Variants in HS3ST4 observed in about 807,000 individuals in gnomAD.
The protein encoded by HS3ST4 is heparan sulfate-glucosamine 3-sulfotransferase 4, also known as heparan sulfate glucosamine 3-O-sulfotransferase 4.
Under a neutral mutation model 29.2 loss-of-function variants are expected in HS3ST4, and 17 were observed. The ratio of observed to expected loss-of-function variants is 0.58; its 90% CI spans 0.40 to 0.87. The LOEUF (loss-of-function observed/expected upper bound fraction) is 0.87, where lower values mean the gene tolerates loss of function less well. Ranked by LOEUF, HS3ST4 falls within the 40% of genes least tolerant of loss-of-function variation. The probability of loss-of-function intolerance (pLI) is 0.00; values close to 1 mark genes in which losing one functional copy is unlikely to be tolerated. For missense variants in HS3ST4, 627 were observed against 634.5 expected (o/e 0.99, Z 0.13); for synonymous variants, 314 against 285.7 (o/e 1.10, Z -1.00).
At chr16:25,945,743 C>T (rs929651313) in intron 1 of HS3ST4, among the ~76,000 whole-genome samples, 4 of 152,226 alleles carry the variant, frequency 2.6e-5, no homozygotes, top group Admixed American at 2.6e-4. Flanking sequence ...TACTTGCCTA[C>T]TGCCCATTTT....
At position 25,692,440 on chromosome 16, in the gene HS3ST4, C is replaced by A; in HGVS notation, c.23C>A (p.Pro8His). 1 of 1,222,628 alleles carries A rather than the reference C, an allele frequency of 8.2e-7. No individual in the cohort carries two copies. The highest frequency in any genetic ancestry group is 1.0e-6 in the Non-Finnish European group (1 of 967,556). 75.7% of individuals were successfully genotyped at this position (1,222,628 alleles called of 1,614,324 possible). A position where few individuals can be genotyped will look rare whatever the true frequency, so the allele number is the denominator to read the frequency against. MARWPAP[P>H]PPPPPPPPLA... is the part of the protein sequence containing the mutation. ...GCGATGGCCCGGTGGCCCGCACCTC[C>A]TCCGCCTCCGCCTCCGCCTCCACCT... Residue 8 changes from proline (P) to histidine (H), a missense_variant, in exon 1 of 2, where the codon CCT (proline) becomes CAT (histidine). By Grantham distance (77) the Pro-to-His change is moderately conservative. Transcript: ENST00000331351.
chr16:26,058,424 C>T (rs895749358), intron 1 of HS3ST4, among the ~76,000 whole-genome samples: 8 of 152,136 alleles, frequency 5.3e-5, no homozygotes, highest in South Asian at 2.1e-4. Context: ...GGCAGCAACA[C>T]GAGTGAGCTA....
chr16:25,824,535 C>G (rs1967197265), intron 1 of HS3ST4, among the ~76,000 whole-genome samples: 2 of 152,164 alleles, frequency 1.3e-5, no homozygotes, highest in South Asian at 4.1e-4. Context: ...ATAAAATCAT[C>G]AGATCTTATG....
Position 25,971,691 on chromosome 16 carries a change from C to T in HS3ST4, c.735-163921C>T, listed in dbSNP as rs182731781. Reference sequence around the variant, plus strand: ...CTGTAATCCCAGAACTTTGGGAGGTCGAGGCAGGCTAATCACGAGGTCAGG... The same window carrying T: ...CTGTAATCCCAGAACTTTGGGAGGTTGAGGCAGGCTAATCACGAGGTCAGG... On this transcript the variant is annotated intron_variant, in intron 1 of 1. Coordinates refer to ENST00000331351, the MANE Select transcript of HS3ST4 (RefSeq NM_006040.3). Among the ~76,000 whole-genome samples, 318 of 152,234 alleles carry T rather than the reference C, an allele frequency of 2.1e-3. 3 individuals are homozygous for T. The highest frequency in any genetic ancestry group is 7.0e-3 in the African/African-American group (290 of 41,530).
chr16:25,749,873 A>G (rs1966708151), intron 1 of HS3ST4, among the ~76,000 whole-genome samples: 1 of 152,244 alleles, frequency 6.6e-6, no homozygotes, highest in South Asian at 2.1e-4. Flanking sequence ...GCTAAAACTA[A>G]TAAGGTAGAA....
chr16:25,952,800 C>G (rs775528296), intron 1 of HS3ST4, among the ~76,000 whole-genome samples: 5 of 152,152 alleles, frequency 3.3e-5, no homozygotes, highest in Admixed American at 6.5e-5. Flanking sequence ...TTTTACATGT[C>G]TTCATGGATA....
intron 1 of HS3ST4, among the ~76,000 whole-genome samples, chr16:26,120,621 A>G (rs1317443036): frequency 2.6e-5 from 4 of 152,190 alleles, no homozygotes; most frequent in Non-Finnish European, 5.9e-5. Flanking sequence ...TCTTCACAGG[A>G]ACACTGACAC....
intron 1 of HS3ST4, among the ~76,000 whole-genome samples, chr16:25,920,409 T>C (rs1198443434): frequency 6.6e-6 from 1 of 152,088 alleles, no homozygotes; most frequent in African/African-American, 2.4e-5. Context: ...TTGAAGTCAA[T>C]TTATCTTTGA....
chr16:25,712,854 C>T (rs997984079), intron 1 of HS3ST4, among the ~76,000 whole-genome samples: 4 of 152,134 alleles, frequency 2.6e-5, no homozygotes, highest in Admixed American at 6.5e-5. Flanking sequence ...TATTTTCTCA[C>T]AATTCTGGAA....
At chr16:25,992,016 G>A (rs8045984) in intron 1 of HS3ST4, among the ~76,000 whole-genome samples, 18,494 of 152,090 alleles carry the variant, frequency 0.12, 1,293 homozygotes, top group Admixed American at 0.17. Context: ...GCGAGACTCC[G>A]TCTCAAAAAC....
At chr16:26,036,298 CAG>C (rs1969582972) in intron 1 of HS3ST4, among the ~76,000 whole-genome samples, 1 of 152,214 alleles carries the variant, frequency 6.6e-6, no homozygotes, top group African/African-American at 2.4e-5. Context: ...CTGGGGCTGA[CAG>C]GAGTTTGGCA....
Position 25,833,815 on chromosome 16 carries a change from A to T in HS3ST4, c.734+140664A>T, listed in dbSNP as rs183360209. On this transcript the variant is annotated intron_variant, in intron 1 of 1. Coordinates refer to ENST00000331351, the MANE Select transcript of HS3ST4 (RefSeq NM_006040.3). ...AAGGAAATCAATAAGTAAAGTCACA[A>T]AGCATGTCCCAATCACAGAAAGAGT... Among the ~76,000 whole-genome samples, 9 of 152,330 alleles carry T rather than the reference A, an allele frequency of 5.9e-5. No homozygotes were observed. In the East Asian group the frequency reaches 1.7e-3, roughly 29 times the overall value.
At chr16:26,049,372 C>CGGAGGTCTACATCT (rs1898308398) in intron 1 of HS3ST4, among the ~76,000 whole-genome samples, 2 of 150,272 alleles carry the variant, frequency 1.3e-5, no homozygotes, top group African/African-American at 4.9e-5. Flanking sequence ...GGTCTACATC[C>CGGAGGTCTACATCT]GGAGGTCTAC....
chr16:25,967,038 A>G (rs1414624843), intron 1 of HS3ST4, among the ~76,000 whole-genome samples: 1 of 152,258 alleles, frequency 6.6e-6, no homozygotes, highest in African/African-American at 2.4e-5. Flanking sequence ...AGATTGAGGA[A>G]TTCTGAGGAT....
intron 1 of HS3ST4, among the ~76,000 whole-genome samples, chr16:25,774,058 C>G (rs1378247458): frequency 2.6e-5 from 4 of 152,306 alleles, no homozygotes; most frequent in Admixed American, 2.6e-4. Flanking sequence ...GCAGTCCCTC[C>G]AGAAATACCC....
chr16:25,904,107 AATGGATGGATGGATGGATGGATGG>A, intron 1 of HS3ST4, among the ~76,000 whole-genome samples: 1 of 142,602 alleles, frequency 7.0e-6, no homozygotes, highest in South Asian at 2.4e-4. Flanking sequence ...TGAATGGATG[AATGGATGGATGGATGGATGGATGG>A]ATGGATGGAT....
At chr16:25,804,130 A>C (rs1441652883) in intron 1 of HS3ST4, among the ~76,000 whole-genome samples, 1 of 152,142 alleles carries the variant, frequency 6.6e-6, no homozygotes, top group Non-Finnish European at 1.5e-5. Flanking sequence ...TCTTCCTCAT[A>C]GATAAGACGT....
intron 1 of HS3ST4, among the ~76,000 whole-genome samples, chr16:26,072,710 A>G (rs1317598792): frequency 1.3e-5 from 2 of 152,138 alleles, no homozygotes; most frequent in Non-Finnish European, 1.5e-5. Flanking sequence ...TTTGTGTACA[A>G]TGTGTATTTT....
At chr16:25,758,065 A>G (rs1966768068) in intron 1 of HS3ST4, among the ~76,000 whole-genome samples, 1 of 152,066 alleles carries the variant, frequency 6.6e-6, no homozygotes, top group Non-Finnish European at 1.5e-5. Flanking sequence ...TCATAGAAAG[A>G]TTCCTCCTGC....
Sources: gnomAD v4.1 joint callset for allele counts (sites outside exome capture counted in the v4.1 genomes callset) on GRCh38, gnomAD v4.1.1 for gene constraint, MANE v1.5 for transcripts, NCBI Gene and HGNC (gene_info 2026-07-23, HGNC 2026-07-21) for gene names.